Variants in SNX29 observed in about 807,000 individuals in gnomAD.
SNX29 encodes sorting nexin-29.
In SNX29, 78 loss-of-function variants were observed where a neutral mutation model predicts 102.1. The ratio of observed to expected loss-of-function variants is 0.76; its 90% confidence interval spans 0.64 to 0.92. The LOEUF (loss-of-function observed/expected upper bound fraction) is 0.92. SNX29 is among the 40% of genes least tolerant of loss of function. The pLI is 0.00. For missense variants in SNX29, 1,280 were observed against 1,061.7 expected (o/e 1.21, Z -2.86); for synonymous variants, 580 against 414.5 (o/e 1.40, Z -4.85).
rs181400384 is a variant in SNX29, at chr16:12,569,589, C to T, written c.*960C>T. The T allele has an allele frequency of 1.7e-3, 395 of 229,878 alleles. No individual in the cohort carries two copies. The highest frequency in any genetic ancestry group is 8.4e-3 in the African/African-American group (379 of 45,140). 14.2% of individuals were successfully genotyped at this position (229,878 alleles called of 1,614,324 possible). On this transcript the variant is annotated 3_prime_UTR_variant, in exon 21 of 21. Transcript: ENST00000566228. ...TCTCCACTAAAAACATTTTCCATCC[C>T]GTCTGCCCCCGACATTGTCCTTGAT...
At chr16:12,386,243 G>A (rs554655418) in intron 16 of SNX29, among the ~76,000 whole-genome samples, 299 of 152,308 alleles carry the variant, frequency 2.0e-3, no homozygotes, top group African/African-American at 6.8e-3. Flanking sequence ...GGCCTCGTGT[G>A]CTGGTGCGGC....
chr16:12,423,541 G>C (rs906930884), intron 18 of SNX29, among the ~76,000 whole-genome samples: 1 of 152,146 alleles, frequency 6.6e-6, no homozygotes, highest in Non-Finnish European at 1.5e-5. Context: ...TGGGGTAACA[G>C]GTGCCAAGTG....
At chr16:12,548,855 C>G (rs191187400) in intron 20 of SNX29, among the ~76,000 whole-genome samples, 1 of 152,354 alleles carries the variant, frequency 6.6e-6, no homozygotes, top group African/African-American at 2.4e-5. Context: ...TTCCTCTGCT[C>G]TGCAGCCAGG....
chr16:12,530,921 T>A (rs563324345), intron 20 of SNX29, among the ~76,000 whole-genome samples: 1 of 152,218 alleles, frequency 6.6e-6, no homozygotes, highest in Non-Finnish European at 1.5e-5. Flanking sequence ...CCGTAATGGC[T>A]GTTTCATAAT....
intron 16 of SNX29, among the ~76,000 whole-genome samples, chr16:12,384,225 G>C (rs552922298): frequency 1.4e-4 from 22 of 152,180 alleles, no homozygotes; most frequent in Admixed American, 1.3e-3. Context: ...TCTTTCTTTC[G>C]GGTATATACC....
rs527658178 is a variant in SNX29, at chr16:12,245,077, GC to G, written c.1679-32850del. ...CAGTGATAGAAAACATTGATTCCCC[GC>G]CCCCCTAACAAAAATTACTCCTAAA... On this transcript the variant is annotated intron_variant, in intron 14 of 20. Transcript: ENST00000566228. 2.0e-4 allele frequency among the ~76,000 whole-genome samples: 31 copies of G among 152,132 alleles called. No individual in the cohort carries two copies. In the South Asian group the frequency reaches 6.2e-3, roughly 31 times the overall value.
chr16:12,439,295 A>C (rs2058760039), intron 18 of SNX29, among the ~76,000 whole-genome samples: 1 of 152,204 alleles, frequency 6.6e-6, no homozygotes, highest in African/African-American at 2.4e-5. Context: ...CCTAAGAGCC[A>C]CTGGAAGTCA....
At chr16:12,475,597 A>T (rs556909236) in intron 18 of SNX29, among the ~76,000 whole-genome samples, 21 of 152,350 alleles carry the variant, frequency 1.4e-4, no homozygotes, top group African/African-American at 5.1e-4. Flanking sequence ...AGCTCAGCCT[A>T]GTCTACCTTC....
intron 16 of SNX29, among the ~76,000 whole-genome samples, chr16:12,368,402 C>T (rs964517258): frequency 6.6e-6 from 1 of 152,226 alleles, no homozygotes; most frequent in Non-Finnish European, 1.5e-5. Flanking sequence ...TCTATAATGA[C>T]TTCAGCTGTG....
intron 15 of SNX29, among the ~76,000 whole-genome samples, chr16:12,309,605 A>G (rs890405065): frequency 2.0e-5 from 3 of 152,164 alleles, no homozygotes; most frequent in African/African-American, 7.2e-5. Flanking sequence ...CCAATGTGGC[A>G]CCTGTCGTCA....
At chr16:12,367,683 G>A (rs76256237) in intron 16 of SNX29, among the ~76,000 whole-genome samples, 3,551 of 152,314 alleles carry the variant, frequency 0.023, 67 homozygotes, top group East Asian at 0.1. Context: ...CTGCCGGGTG[G>A]CACTTGCCGC....
chr16:12,572,046 T>TAA lies in SNX29; in HGVS notation c.*3419_*3420dup. The TAA allele has an allele frequency of 9.4e-7, 1 of 1,063,578 alleles. No individual in the cohort carries two copies. The highest frequency in any genetic ancestry group is 1.1e-6 in the Non-Finnish European group (1 of 878,196). The allele number at this position is 1,063,578 out of a possible 1,614,324, so 65.9% of individuals were successfully genotyped here. A position where few individuals can be genotyped will look rare whatever the true frequency, so the allele number is the denominator to read the frequency against. On this transcript the variant is annotated 3_prime_UTR_variant, in exon 21 of 21. Transcript: ENST00000566228. ...TAAAAGGGATCATCCAGTGGAGTTG[T>TAA]AAACAAGGGAACCATCTTGCAAGAT...
At position 12,549,177 on chromosome 16, in the gene SNX29, T is replaced by C. The variant is rs150081014; in HGVS notation, c.2319-19329T>C. Reference sequence around the variant, plus strand: ...TATCACATTTGCTGTTCATGGAGTGTCTGCAGGGGCTAGGCACCCCTCACG... The same window carrying C: ...TATCACATTTGCTGTTCATGGAGTGCCTGCAGGGGCTAGGCACCCCTCACG... On this transcript the variant is annotated intron_variant, in intron 20 of 20. Transcript: ENST00000566228. 2.5e-3 allele frequency among the ~76,000 whole-genome samples: 381 copies of C among 152,274 alleles called. 2 individuals are homozygous for C. Among genetic ancestry groups the C allele is most frequent in the African/African-American group, 8.9e-3 (370 of 41,540 alleles).
At chr16:12,432,421 G>T (rs1390465220) in intron 18 of SNX29, among the ~76,000 whole-genome samples, 2 of 152,204 alleles carry the variant, frequency 1.3e-5, no homozygotes, top group East Asian at 3.8e-4. Context: ...GAAGTCCAGG[G>T]TTTGGGCACT....
intron 19 of SNX29, among the ~76,000 whole-genome samples, chr16:12,484,403 C>G (rs2088125192): frequency 6.6e-6 from 1 of 152,152 alleles, no homozygotes; most frequent in South Asian, 2.1e-4. Context: ...CTCCCTGTAG[C>G]CTATTTTCCA....
In SNX29 at chr16:12,527,658, G is replaced by T. The variant is rs570197076; in HGVS notation, c.2318+2817G>T. Reference sequence around the variant, plus strand: ...TCAAAGGGGCGAACTGGCTGGTCCCGGGGTCCCCACCCAGCACGTGGGGAT... The same window carrying T: ...TCAAAGGGGCGAACTGGCTGGTCCCTGGGTCCCCACCCAGCACGTGGGGAT... On this transcript the variant is annotated intron_variant, in intron 20 of 20. Transcript: ENST00000566228. Among the ~76,000 whole-genome samples the T allele has an allele frequency of 2.0e-5, 3 of 152,244 alleles. No individual in the cohort carries two copies. In the East Asian group the frequency reaches 5.8e-4, roughly 30 times the overall value.
chr16:12,186,375 G>C (rs1227366547), intron 13 of SNX29, among the ~76,000 whole-genome samples: 1 of 152,104 alleles, frequency 6.6e-6, no homozygotes, highest in East Asian at 1.9e-4. Flanking sequence ...ATATCTCTGT[G>C]TATCCATACA....
intron 11 of SNX29, among the ~76,000 whole-genome samples, chr16:12,117,005 A>G (rs1197196787): frequency 2.6e-5 from 4 of 151,408 alleles, no homozygotes; most frequent in Admixed American, 1.3e-4. Flanking sequence ...AGGCGTGGTC[A>G]ATACGTGCTT....
intron 16 of SNX29, chr16:12,372,895 C>G (rs1455523394): frequency 1.3e-5 from 2 of 152,160 alleles, no homozygotes; most frequent in African/African-American, 2.4e-5. Context: ...CATTTACACT[C>G]CTACCTGCAG....
Sources: allele counts gnomAD v4.1 joint callset (sites outside exome capture counted in the v4.1 genomes callset), GRCh38; gene constraint gnomAD v4.1.1; transcripts MANE v1.5; gene names NCBI Gene and HGNC (gene_info 2026-07-23, HGNC 2026-07-21).